Variants in TPM1 observed in about 807,000 individuals in gnomAD.
TPM1 encodes tropomyosin alpha-1 chain.
TPM1 carries 24 observed loss-of-function variants against 42.9 expected under a neutral mutation model. The observed-to-expected ratio is 0.56, with a 90% confidence interval of 0.41 to 0.79. The LOEUF (loss-of-function observed/expected upper bound fraction) is 0.79. TPM1 is among the 30% of genes least tolerant of loss of function. The pLI is 0.00. For synonymous variants in TPM1, 136 were observed against 130.1 expected (o/e 1.05, Z -0.31); for missense variants, 158 against 351.8 (o/e 0.45, Z 4.41).
At position 63,062,599 on chromosome 15, in the gene TPM1, G is replaced by A. The variant is rs200484871; in HGVS notation, c.726G>A (p.Ala242=). The A allele has an allele frequency of 2.8e-4, 444 of 1,614,086 alleles. 1 individual carries two copies. Among genetic ancestry groups the A allele is most frequent in the Non-Finnish European group, 3.4e-4 (400 of 1,180,048 alleles). Residue 242 remains alanine (A), a synonymous_variant, in exon 8 of 10, where the codon GCG becomes GCA. Transcript: ENST00000403994. ...AGGCTGAGACTCGGGCTGAGTTTGCGGAGAGGTCAGTAACTAAATTGGAGA... is the reference window on the plus strand; with the variant it reads ...AGGCTGAGACTCGGGCTGAGTTTGCAGAGAGGTCAGTAACTAAATTGGAGA... ...LKEAETRAEF[A]ERSVTKLEKS...
At chr15:63,064,701 C>CA in intron 9 of TPM1, 1 of 988,432 alleles carries the variant, frequency 1.0e-6, no homozygotes, top group Non-Finnish European at 1.2e-6. Context: ...CACAGTGGCT[C>CA]ACGCCTGTAA....
At chr15:63,069,612 T>C (rs572122853), downstream of TPM1, among the ~76,000 whole-genome samples, 1 of 152,350 alleles carries the variant, frequency 6.6e-6, no homozygotes, top group South Asian at 2.1e-4. Context: ...CCTCCTCTTA[T>C]CCTGTTGCTC....
At chr15:63,048,710 A>G in intron 2 of TPM1, 2 of 1,537,628 alleles carry the variant, frequency 1.3e-6, no homozygotes, top group Non-Finnish European at 1.8e-6. Flanking sequence ...GGGAGACCGT[A>G]AGGGATACAC....
Position 63,062,741 on chromosome 15 carries a change from C to T in TPM1, c.772+96C>T, listed in dbSNP as rs776585935. The stretch of plus-strand genomic sequence containing the variant: ...ATTCAAGGGCATCCACATTGATACG[C>T]TCCTTTGCACTTGCACATTCTTCCT... On this transcript the variant is annotated intron_variant, in intron 8 of 9. Coordinates refer to ENST00000403994, the MANE Select transcript of TPM1 (RefSeq NM_001018005.2). The T allele has an allele frequency of 3.1e-6, 5 of 1,596,936 alleles. No homozygotes were observed. The Admixed American group carries it at 6.9e-5, about 22-fold the overall frequency.
At chr15:63,049,407 T>C (rs1411880014) in intron 2 of TPM1, 1 of 152,378 alleles carries the variant, frequency 6.6e-6, no homozygotes, top group Non-Finnish European at 1.5e-5. Flanking sequence ...TCAACAGTTA[T>C]TGGGTGTATT....
chr15:63,044,244 C>G, intron 2 of TPM1, 92 bp downstream of exon 2: 10 of 1,596,028 alleles, frequency 6.3e-6, no homozygotes, highest in Non-Finnish European at 7.7e-6. Context: ...AGGAAGTTTA[C>G]CTTTTCCTGC....
At chr15:63,069,207 G>A (rs1248924781), downstream of TPM1, among the ~76,000 whole-genome samples, 1 of 152,208 alleles carries the variant, frequency 6.6e-6, no homozygotes, top group Non-Finnish European at 1.5e-5. Context: ...GTGGTGACAA[G>A]TGCTTGTTCT....
rs932979790 is a variant in TPM1, at chr15:63,071,319, C to A, written c.*147C>A. 25 of 928,934 alleles carry A rather than the reference C, an allele frequency of 2.7e-5. No homozygotes were observed. In the Middle Eastern group the frequency reaches 1.0e-3, roughly 37 times the overall value. 57.5% of individuals were successfully genotyped at this position (928,934 alleles called of 1,614,324 possible). On this transcript the variant is annotated 3_prime_UTR_variant, in exon 9 of 9. Transcript: ENST00000267996. The stretch of plus-strand genomic sequence containing the variant: ...CAGCTAGGTCAGGGGGTGGGGAAAA[C>A]ACATACAAAAAGGCAAGCCCATGTC...
intron 8 of TPM1, chr15:63,063,090 A>G (rs913042630): frequency 6.5e-5 from 64 of 978,380 alleles, no homozygotes; most frequent in East Asian, 1.1e-4. Flanking sequence ...TAAGTCATAT[A>G]TTATCTTAAC....
intron 9 of TPM1, 134 bp from the exon 10 acceptor site, chr15:63,065,762 G>T: frequency 7.3e-7 from 1 of 1,375,842 alleles, no homozygotes; most frequent in South Asian, 1.3e-5. Context: ...GGGTGTGGCT[G>T]GCAGTGGGGT....
chr15:63,048,423 G>A (rs1444494209), intron 2 of TPM1: 1 of 1,350,156 alleles, frequency 7.4e-7, no homozygotes, highest in South Asian at 1.8e-5. Flanking sequence ...CTTCCGGACT[G>A]CTCCTGGCCG....
chr15:63,048,894 C>T, intron 2 of TPM1: 1 of 748,436 alleles, frequency 1.3e-6, no homozygotes, highest in Non-Finnish European at 2.3e-6. Context: ...TCTCCTGAGC[C>T]TTTGTTTTCC....
In TPM1 at chr15:63,042,783, G is replaced by A. The variant is rs372760316; in HGVS notation, c.-47G>A. 8 of 1,547,744 alleles carry A rather than the reference G, an allele frequency of 5.2e-6. No homozygotes were observed. The African/African-American group carries it at 9.5e-5, about 18-fold the overall frequency. On this transcript the variant is annotated 5_prime_UTR_variant, in exon 1 of 10. Coordinates refer to ENST00000403994, the MANE Select transcript of TPM1 (RefSeq NM_001018005.2). ...CGCTCCTCCGCCCGACCGCGCGCTC[G>A]CCCCGCCGCTCCTGCTGCAGCCCCA...
intron 2 of TPM1, chr15:63,048,569 C>G: frequency 6.6e-7 from 1 of 1,524,374 alleles, no homozygotes; most frequent in Non-Finnish European, 8.8e-7. Context: ...GCCTACCGTC[C>G]GGCGCGATGG....
intron 1 of TPM1, 99 bp downstream of exon 1, chr15:63,043,042 A>G: frequency 9.5e-7 from 1 of 1,050,332 alleles, no homozygotes; most frequent in Non-Finnish European, 1.4e-6. Flanking sequence ...GGGAGCCACC[A>G]CCCTACCCCC....
chr15:63,063,130 A>G, intron 8 of TPM1: 1 of 981,824 alleles, frequency 1.0e-6, no homozygotes, highest in Non-Finnish European at 1.2e-6. Context: ...AGGAGGAGGG[A>G]AAAATTATAC....
chr15:63,063,610 A>T (rs1483326131), intron 8 of TPM1, among the ~76,000 whole-genome samples: 2 of 152,198 alleles, frequency 1.3e-5, no homozygotes, highest in East Asian at 3.8e-4. Context: ...GGCTGTAGTC[A>T]CAAATTGTTC....
chr15:63,065,444 A>G (rs2036171968), intron 9 of TPM1: 3 of 985,412 alleles, frequency 3.0e-6, no homozygotes, highest in Non-Finnish European at 3.6e-6. Context: ...GAATCCCCAC[A>G]GTCAACAAAA....
intron 2 of TPM1, among the ~76,000 whole-genome samples, chr15:63,053,110 AG>A (rs1302908635): frequency 6.6e-6 from 1 of 152,222 alleles, no homozygotes. Flanking sequence ...CTTCTGGGCT[AG>A]GGAGTAAATG....
Sources: gnomAD v4.1 joint callset for allele counts (sites outside exome capture counted in the v4.1 genomes callset) on GRCh38, gnomAD v4.1.1 for gene constraint, MANE v1.5 for transcripts, NCBI Gene and HGNC (gene_info 2026-07-23, HGNC 2026-07-21) for gene names.